The following ZNF582 variants were observed in gnomAD, a reference collection of about 807,000 sequenced individuals.
ZNF582 encodes zinc finger protein 582.
In ZNF582, 14 loss-of-function variants were observed where a neutral mutation model predicts 12.3. The ratio of observed to expected loss-of-function variants is 1.14; its 90% CI spans 0.75 to 1.78. The LOEUF (loss-of-function observed/expected upper bound fraction) is 1.78, where lower values mean the gene tolerates loss of function less well. ZNF582 is among the 40% of genes most tolerant of loss of function. The pLI is 0.00. For missense variants in ZNF582, 567 were observed against 616.5 expected (o/e 0.92, Z 0.85); for synonymous variants, 210 against 207.2 (o/e 1.01, Z -0.11).
At chr19:56,383,186 A>G (rs2041932435) in exon 5 of ZNF582, 2 of 152,244 alleles carry the variant, frequency 1.3e-5, no homozygotes, top group Admixed American at 1.3e-4. Flanking sequence ...TGTCTGTGCC[A>G]GTCACATAAA....
rs779872579 is a variant in ZNF582 at position 56,384,903 on chromosome 19, CA to C, written c.513del (p.Phe171LeufsTer44). ...AAGTCTTTTCTACATTTATTATACC[CA>C]AAAGGTTTTTCTCTAGTATGAATTT... On this transcript the variant is annotated frameshift_variant, in exon 5 of 5. Transcript: ENST00000586929. LOFTEE classifies it low-confidence loss of function (END_TRUNC). The C allele has an allele frequency of 6.2e-7, 1 of 1,613,716 alleles. No homozygotes were observed. The highest frequency in any genetic ancestry group is 8.5e-7 in the Non-Finnish European group (1 of 1,179,978).
chr19:56,390,587 G>C (rs145633600), intron 2 of ZNF582, 86 bp from the exon 3 acceptor site: 114 of 1,508,790 alleles, frequency 7.6e-5, no homozygotes, highest in Non-Finnish European at 9.4e-5. Flanking sequence ...TTGCGGGAGG[G>C]GGGGTTGTTT....
exon 5 of ZNF582, chr19:56,384,500 G>C (rs1188487007): frequency 1.1e-5 from 17 of 1,610,874 alleles, no homozygotes; most frequent in Non-Finnish European, 1.4e-5. Flanking sequence ...TTTTTCACCA[G>C]TATGAATTCT....
At chr19:56,385,603 G>A (rs1480791223) in intron 4 of ZNF582, among the ~76,000 whole-genome samples, 1 of 151,760 alleles carries the variant, frequency 6.6e-6, no homozygotes, top group Non-Finnish European at 1.5e-5. Flanking sequence ...CTTAAGCCCA[G>A]GAGTTAGAGG....
At chr19:56,384,689 A>T in exon 5 of ZNF582, 1 of 1,613,168 alleles carries the variant, frequency 6.2e-7, no homozygotes, top group Non-Finnish European at 8.5e-7. Flanking sequence ...CTGATGTTGT[A>T]TAAAATTTGA....
At chr19:56,384,817 T>C (rs2041950790) in exon 5 of ZNF582, 2 of 1,601,260 alleles carry the variant, frequency 1.2e-6, no homozygotes, top group Admixed American at 1.7e-5. Context: ...ATTCCTTACA[T>C]TTATAGGGTT....
chr19:56,384,925 A>C, exon 5 of ZNF582: 2 of 1,614,104 alleles, frequency 1.2e-6, no homozygotes, highest in Non-Finnish European at 1.7e-6. Context: ...CTCTAGTATG[A>C]ATTTTCTGAT....
Position 56,384,129 on chromosome 19 carries a change from T to A in ZNF582, c.1288A>T (p.Lys430Ter), listed in dbSNP as rs908399909. The A allele has an allele frequency of 6.2e-7, 1 of 1,612,914 alleles. No homozygotes were observed. Among genetic ancestry groups the A allele is most frequent in the Admixed American group, 1.7e-5 (1 of 59,912 alleles). ...AATTGTGAGCAATGACTAAAAGCCTTCCCACATTCCTTACATTCATATGGC... is the reference window on the plus strand; with the variant it reads ...AATTGTGAGCAATGACTAAAAGCCTACCCACATTCCTTACATTCATATGGC... The change falls in exon 5 of 5, where the codon AAG becomes TAG. Residue 430 changes from lysine to a stop codon, truncating the protein, a stop_gained. Transcript: ENST00000586929. LOFTEE classifies it low-confidence loss of function (END_TRUNC).
intron 4 of ZNF582, among the ~76,000 whole-genome samples, chr19:56,388,718 C>G (rs9636160): frequency 6.6e-6 from 1 of 151,914 alleles, no homozygotes; most frequent in Non-Finnish European, 1.5e-5. Context: ...CTGCAATCTC[C>G]GCCTCCCGTG....
At chr19:56,392,455 T>C (rs866482663) in intron 1 of ZNF582, among the ~76,000 whole-genome samples, 2 of 152,222 alleles carry the variant, frequency 1.3e-5, no homozygotes, top group African/African-American at 4.8e-5. Context: ...AATGTGTCCT[T>C]CCATAGAGAC....
intron 2 of ZNF582, among the ~76,000 whole-genome samples, chr19:56,391,169 C>A (rs1320459647): frequency 6.6e-6 from 1 of 152,206 alleles, no homozygotes; most frequent in Admixed American, 6.5e-5. Flanking sequence ...ACCACTCACC[C>A]ACCTAGATGA....
In ZNF582 at chr19:56,390,359, G is replaced by C. The variant is rs1303003930; in HGVS notation, c.136+16C>G. 4.3e-6 allele frequency: 7 copies of C among 1,614,068 alleles called. No individual in the cohort carries two copies. The highest frequency in any genetic ancestry group is 5.9e-6 in the Non-Finnish European group (7 of 1,180,006). On this transcript the variant is annotated intron_variant, in intron 3 of 4. Coordinates refer to ENST00000586929, the Ensembl canonical transcript of ZNF582. Reference sequence around the variant, plus strand: ...CCCAAGGATAACCTCCAAACTAACAGACGAGATCACCTTACCCAGTGAGAC... The same window carrying C: ...CCCAAGGATAACCTCCAAACTAACACACGAGATCACCTTACCCAGTGAGAC...
exon 5 of ZNF582, chr19:56,383,542 T>C (rs1223601667): frequency 5.0e-6 from 1 of 201,148 alleles, no homozygotes; most frequent in Non-Finnish European, 9.9e-6. Flanking sequence ...TTATGGTAAT[T>C]GCATGATTTC....
intron 4 of ZNF582, chr19:56,387,317 A>G (rs906293316): frequency 6.6e-6 from 1 of 152,224 alleles, no homozygotes; most frequent in Non-Finnish European, 1.5e-5. Flanking sequence ...CTGCAGATCT[A>G]TTCACTGTAG....
At chr19:56,393,406 AC>A in exon 1 of ZNF582, 1 of 596,484 alleles carries the variant, frequency 1.7e-6, no homozygotes, top group Non-Finnish European at 2.9e-6. Context: ...CTCCTGCTGG[AC>A]CCCAGAGCGC....
chr19:56,390,122 C>A, intron 3 of ZNF582, 26 bp from the exon 4 acceptor site: 1 of 1,609,564 alleles, frequency 6.2e-7, no homozygotes. Flanking sequence ...AACATGCCAC[C>A]TGGTTATGGT....
At chr19:56,389,978 C>T (rs768492055) in intron 4 of ZNF582, 23 bp downstream of exon 4, 33 of 1,605,102 alleles carry the variant, frequency 2.1e-5, no homozygotes, top group Non-Finnish European at 1.7e-5. Context: ...TGGCTGCTCC[C>T]TTCCCAATGA....
chr19:56,390,222 TG>T, intron 3 of ZNF582, 126 bp from the exon 4 acceptor site: 1 of 1,359,272 alleles, frequency 7.4e-7, no homozygotes, highest in East Asian at 2.3e-5. Context: ...GACAGTTGCC[TG>T]GGGGTAGGGG....
chr19:56,391,533 A>G (rs2042013798), intron 2 of ZNF582, among the ~76,000 whole-genome samples: 1 of 152,212 alleles, frequency 6.6e-6, no homozygotes, highest in African/African-American at 2.4e-5. Context: ...TTCTCCTCCT[A>G]GCAGACGAAA....
Sources: allele counts gnomAD v4.1 joint callset (sites outside exome capture counted in the v4.1 genomes callset), GRCh38; gene constraint gnomAD v4.1.1; transcripts MANE v1.5; gene names NCBI Gene and HGNC (gene_info 2026-07-23, HGNC 2026-07-21).